Variants in MON2 observed in about 807,000 individuals in gnomAD.
MON2 encodes the protein MON2 regulator of endosome-to-Golgi trafficking, also known as protein MON2 homolog.
Under a neutral mutation model 208.6 loss-of-function variants are expected in MON2, and 84 were observed. That is an observed-to-expected ratio of 0.40 (90% confidence interval 0.34 to 0.48). The LOEUF is 0.48. Ranked by LOEUF, MON2 falls within the 20% of genes least tolerant of loss-of-function variation. The pLI, the probability that MON2 is intolerant of heterozygous loss-of-function variation, is 0.59. For missense variants in MON2, 1,611 were observed against 2,015.4 expected (o/e 0.80, Z 3.84); for synonymous variants, 660 against 694.0 (o/e 0.95, Z 0.77).
intron 32 of MON2, among the ~76,000 whole-genome samples, 179 bp from the exon 33 acceptor site, chr12:62,585,101 ACACACACACAAAAC>A (rs1565714714): frequency 0.049 from 3,241 of 66,482 alleles, 115 homozygotes; most frequent in Middle Eastern, 0.078. Context: ...ACACACACAC[ACACACACACAAAAC>A]AAAAAAAAAC....
chr12:62,586,351 A>G (rs1334440754), intron 33 of MON2, among the ~76,000 whole-genome samples: 1 of 152,202 alleles, frequency 6.6e-6, no homozygotes, highest in Non-Finnish European at 1.5e-5. Flanking sequence ...TGACCTGTCA[A>G]AAGGCACAGA....
chr12:62,566,132 T>C, intron 28 of MON2, 101 bp downstream of exon 28: 1 of 1,401,320 alleles, frequency 7.1e-7, no homozygotes, highest in East Asian at 2.3e-5. Flanking sequence ...TTCCAATAGT[T>C]TTAATTTTTG....
At chr12:62,508,907 A>T (rs1426877360) in intron 8 of MON2, 1 of 160,886 alleles carries the variant, frequency 6.2e-6, no homozygotes, top group African/African-American at 2.4e-5. Flanking sequence ...ATTTTGACTT[A>T]CAGTCCAATA....
At chr12:62,498,522 A>G (rs1425562090) in intron 4 of MON2, among the ~76,000 whole-genome samples, 1 of 152,148 alleles carries the variant, frequency 6.6e-6, no homozygotes, top group African/African-American at 2.4e-5. Context: ...GTTTTAAAAG[A>G]AAAAAATGAC....
At chr12:62,514,445 C>T (rs1178122160) in intron 8 of MON2, among the ~76,000 whole-genome samples, 3 of 152,172 alleles carry the variant, frequency 2.0e-5, no homozygotes, top group East Asian at 3.8e-4. Flanking sequence ...ACATGGCTGG[C>T]GAGGCCTCAC....
rs763964924 is a variant in MON2 at position 62,495,138 on chromosome 12, A to G, written c.426A>G (p.Ala142=). The G allele has an allele frequency of 6.2e-6, 10 of 1,605,332 alleles. No homozygotes were observed. The highest frequency in any genetic ancestry group is 7.7e-6 in the Non-Finnish European group (9 of 1,175,190). ...LTTNTVVHDE[A]LSKAIVLCFR... ...CCAATACAGTAGTTCATGATGAGGC[A>G]CTTTCTAAGGTAGGAAAACTGTTTG... The change falls in exon 4 of 35, where the codon GCA becomes GCG. Residue 142 remains alanine (A), a synonymous_variant. Coordinates refer to ENST00000393630, the MANE Select transcript of MON2 (RefSeq NM_015026.3).
At chr12:62,570,050 T>C (rs899418685) in intron 29 of MON2, among the ~76,000 whole-genome samples, 18 of 152,284 alleles carry the variant, frequency 1.2e-4, no homozygotes, top group Admixed American at 1.1e-3. Flanking sequence ...TTGTCAGTGG[T>C]GCTGTGTGTT....
chr12:62,507,687 A>G (rs2071175501), intron 7 of MON2, among the ~76,000 whole-genome samples: 1 of 152,018 alleles, frequency 6.6e-6, no homozygotes, highest in Non-Finnish European at 1.5e-5. Flanking sequence ...TCTGTTAATC[A>G]CCAATTACTT....
intron 11 of MON2, among the ~76,000 whole-genome samples, chr12:62,528,991 C>T (rs1222476574): frequency 6.6e-6 from 1 of 152,092 alleles, no homozygotes; most frequent in Non-Finnish European, 1.5e-5. Flanking sequence ...ACCTTTTCTG[C>T]TCCTCTTTCT....
At position 62,474,610 on chromosome 12, in the gene MON2, G is replaced by A. The variant is rs12228678; in HGVS notation, c.111+7292G>A. ...TGGCTAATTTTGTATATTTAGTAGA[G>A]ACGGGGTTTCTCTGTGTTGGTCAGG... is the stretch of plus-strand genomic sequence containing the variant. On this transcript the variant is annotated intron_variant, in intron 1 of 34. Coordinates refer to ENST00000393630, the MANE Select transcript of MON2 (RefSeq NM_015026.3). Among the ~76,000 whole-genome samples the A allele has an allele frequency of 5.9e-4, 88 of 149,734 alleles. 2 individuals are homozygous for A. The East Asian group carries it at 0.014, about 24-fold the overall frequency.
intron 8 of MON2, among the ~76,000 whole-genome samples, chr12:62,521,244 A>G (rs1050094984): frequency 6.6e-6 from 1 of 152,076 alleles, no homozygotes; most frequent in Non-Finnish European, 1.5e-5. Flanking sequence ...CCTGACCTCA[A>G]GTGATCCACC....
intron 24 of MON2, among the ~76,000 whole-genome samples, chr12:62,554,116 T>TG (rs2073865158): frequency 1.3e-5 from 2 of 152,380 alleles, no homozygotes; most frequent in African/African-American, 2.4e-5. Flanking sequence ...CCATACAGTT[T>TG]GTTTTTAATC....
chr12:62,556,078 C>G lies in MON2; in HGVS notation c.3295C>G (p.Leu1099Val), dbSNP rs2073956183. Reference protein sequence around the residue: ...EKIESGGGNILIHHSRDTAEK... With the variant: ...EKIESGGGNIVIHHSRDTAEK... The stretch of plus-strand genomic sequence containing the variant: ...GATTGAGTCTGGAGGTGGCAATATT[C>G]TCATTCATCATTCAAGGGACACCGC... Residue 1099 changes from leucine to valine, a missense_variant, in exon 25 of 35, where the codon CTC (leucine) becomes GTC (valine). Physicochemically the swap from Leu to Val is conservative, Grantham distance 32. Transcript: ENST00000393630. 6.2e-7 allele frequency: 1 copy of G among 1,613,752 alleles called. No individual in the cohort carries two copies. The highest frequency in any genetic ancestry group is 8.5e-7 in the Non-Finnish European group (1 of 1,179,926).
At chr12:62,543,300 T>C (rs2073322861) in intron 20 of MON2, 102 bp downstream of exon 20, 3 of 549,994 alleles carry the variant, frequency 5.5e-6, no homozygotes, top group African/African-American at 4.0e-5. Context: ...TAACTTTTTT[T>C]CCCCCTTTCC....
intron 7 of MON2, among the ~76,000 whole-genome samples, chr12:62,505,822 TC>T (rs1331812285): frequency 6.6e-6 from 1 of 150,686 alleles, no homozygotes; most frequent in Non-Finnish European, 1.5e-5. Flanking sequence ...CCCCAGGAGG[TC>T]AAGGCTGCAG....
At chr12:62,504,048 A>G (rs1008690858) in intron 7 of MON2, among the ~76,000 whole-genome samples, 3 of 152,002 alleles carry the variant, frequency 2.0e-5, no homozygotes, top group African/African-American at 4.8e-5. Context: ...GATAAACTCT[A>G]TGAGGCAGGG....
In MON2 at chr12:62,467,188, G is replaced by A. The variant is rs774868144; in HGVS notation, c.-20G>A. ...AGCTTGTTTGTACCTCTCGGAAATT[G>A]GCTGGGACCTTGGAGGATCATGTCC... On this transcript the variant is annotated 5_prime_UTR_variant, in exon 1 of 35. Coordinates refer to ENST00000393630, the MANE Select transcript of MON2 (RefSeq NM_015026.3). 3 of 1,606,216 alleles carry A rather than the reference G, an allele frequency of 1.9e-6. No individual in the cohort carries two copies. The South Asian group carries it at 3.3e-5, about 18-fold the overall frequency.
intron 5 of MON2, among the ~76,000 whole-genome samples, chr12:62,499,318 C>T (rs2070711413): frequency 6.6e-6 from 1 of 152,060 alleles, no homozygotes; most frequent in African/African-American, 2.4e-5. Context: ...ACATTACATT[C>T]TATGAATTTT....
In MON2 at chr12:62,467,307, C is replaced by T. The variant is rs2068562780; in HGVS notation, c.100C>T (p.Pro34Ser). 1.2e-6 allele frequency: 2 copies of T among 1,613,984 alleles called. No homozygotes were observed. The highest frequency in any genetic ancestry group is 1.7e-6 in the Non-Finnish European group (2 of 1,179,908). The change falls in exon 1 of 35, where the codon CCT (proline) becomes TCT (serine). Residue 34 changes from proline (P) to serine (S), a missense_variant. By Grantham distance (74) the Pro-to-Ser change is moderately conservative. Transcript: ENST00000393630. The stretch of plus-strand genomic sequence containing the variant: ...ACTGGAGTGCAAGAAGAAATTCCCA[C>T]CTGTCAAAGAGGTAAGCTTCAGGTG... ...LSLECKKKFP[P>S]VKEAAESGII...
Sources: gnomAD v4.1 joint callset for allele counts (sites outside exome capture counted in the v4.1 genomes callset) on GRCh38, gnomAD v4.1.1 for gene constraint, MANE v1.5 for transcripts, NCBI Gene and HGNC (gene_info 2026-07-23, HGNC 2026-07-21) for gene names.